Variants in YES1 observed in about 807,000 individuals in gnomAD.
YES1 encodes the protein YES proto-oncogene 1, Src family tyrosine kinase, also known as tyrosine-protein kinase Yes.
Under a neutral mutation model 70.4 loss-of-function variants are expected in YES1, and 39 were observed. The ratio of observed to expected loss-of-function variants is 0.55; its 90% CI spans 0.43 to 0.72. The LOEUF is 0.72. Ranked by LOEUF, YES1 falls within the 30% of genes least tolerant of loss-of-function variation. The pLI, the probability that YES1 is intolerant of heterozygous loss-of-function variation, is 0.00. For synonymous variants in YES1, 198 were observed against 218.6 expected (o/e 0.91, Z 0.83); for missense variants, 495 against 644.8 (o/e 0.77, Z 2.52).
chr18:759,402 G>A (rs1904458898), intron 1 of YES1, among the ~76,000 whole-genome samples: 1 of 152,218 alleles, frequency 6.6e-6, no homozygotes, highest in Admixed American at 6.5e-5. Context: ...AGGAGGCGGA[G>A]GTTGCAGTGA....
At chr18:752,572 C>T (rs1396604962) in intron 2 of YES1, among the ~76,000 whole-genome samples, 3 of 152,114 alleles carry the variant, frequency 2.0e-5, no homozygotes, top group Non-Finnish European at 2.9e-5. Flanking sequence ...TAATCATTAC[C>T]AGTAATAACT....
chr18:768,394 C>G (rs1206651058), intron 1 of YES1, among the ~76,000 whole-genome samples: 1 of 152,146 alleles, frequency 6.6e-6, no homozygotes, highest in Non-Finnish European at 1.5e-5. Context: ...ATACTGACTT[C>G]CGCTTGATCC....
chr18:780,621 A>AAATGGACT (rs1905611572), intron 1 of YES1, among the ~76,000 whole-genome samples: 1 of 152,180 alleles, frequency 6.6e-6, no homozygotes, highest in African/African-American at 2.4e-5. Flanking sequence ...AGTATTCTGA[A>AAATGGACT]AATGGACTAA....
intron 8 of YES1, 50 bp downstream of exon 8, chr18:742,868 C>T: frequency 6.9e-7 from 1 of 1,453,392 alleles, no homozygotes; most frequent in Non-Finnish European, 9.2e-7. Flanking sequence ...CAAATCAAGA[C>T]TCTTAAAAAC....
At chr18:731,661 A>G (rs776968653) in intron 11 of YES1, among the ~76,000 whole-genome samples, 5 of 152,190 alleles carry the variant, frequency 3.3e-5, no homozygotes, top group Non-Finnish European at 5.9e-5. Context: ...TCCCCCTAGA[A>G]ACTATATAAA....
rs776424908 is a variant in YES1, at chr18:736,966, G to C, written c.1138-5C>G. On this transcript the variant is annotated splice_region_variant and splice_polypyrimidine_tract_variant and intron_variant, in intron 9 of 11. Coordinates refer to ENST00000314574, the MANE Select transcript of YES1 (RefSeq NM_005433.4). ...ATATGCCATACCATCAGCAATCTTG[G>C]AAAGAGAAAAACAAAAAACACAAGA... The C allele has an allele frequency of 1.3e-6, 2 of 1,596,298 alleles. No individual in the cohort carries two copies. The highest frequency in any genetic ancestry group is 2.3e-5 in the South Asian group (2 of 88,336).
chr18:751,848 TAACAA>T, intron 2 of YES1, 44 bp from the exon 3 acceptor site: 1 of 1,112,126 alleles, frequency 9.0e-7, no homozygotes, highest in African/African-American at 1.6e-5. Flanking sequence ...GTAGCTAACT[TAACAA>T]AACAGAAAAA....
intron 2 of YES1, among the ~76,000 whole-genome samples, chr18:752,999 A>T (rs554663304): frequency 1.3e-5 from 2 of 152,332 alleles, no homozygotes; most frequent in African/African-American, 4.8e-5. Context: ...GTATAAATTC[A>T]AAAACTGTCA....
At chr18:784,570 A>C (rs1905841635) in intron 1 of YES1, among the ~76,000 whole-genome samples, 1 of 152,216 alleles carries the variant, frequency 6.6e-6, no homozygotes, top group South Asian at 2.1e-4. Flanking sequence ...GACTAAAATC[A>C]AGGTGTCAGC....
chr18:768,177 T>TA lies in YES1; in HGVS notation c.-8-11343dup, dbSNP rs372020371. 2.2e-3 allele frequency among the ~76,000 whole-genome samples: 328 copies of TA among 152,322 alleles called. 1 individual carries two copies. The highest frequency in any genetic ancestry group is 7.4e-3 in the African/African-American group (309 of 41,562). ...CACAACACACTAAGTGTGGCAATGTTAAAAAACCATTTCCAAAAGCAGGCA... is the reference window on the plus strand; with the variant it reads ...CACAACACACTAAGTGTGGCAATGTTAAAAAAACCATTTCCAAAAGCAGGCA... On this transcript the variant is annotated intron_variant, in intron 1 of 11. Transcript: ENST00000314574.
At chr18:751,635 G>T in intron 3 of YES1, 70 bp downstream of exon 3, 2 of 1,035,764 alleles carry the variant, frequency 1.9e-6, no homozygotes, top group Non-Finnish European at 1.5e-6. Context: ...TCATCAACCA[G>T]CTCAGTGGTT....
chr18:727,768 A>G (rs1000113407), intron 11 of YES1, among the ~76,000 whole-genome samples: 8 of 152,090 alleles, frequency 5.3e-5, no homozygotes, highest in Non-Finnish European at 7.3e-5. Context: ...ATACATTATA[A>G]ATTCGGTAAG....
intron 11 of YES1, 95 bp from the exon 12 acceptor site, chr18:724,727 A>G: frequency 1.1e-6 from 1 of 902,554 alleles, no homozygotes; most frequent in South Asian, 1.8e-5. Flanking sequence ...TTCAAAGTAT[A>G]TTATTTAGTG....
At position 740,386 on chromosome 18, in the gene YES1, G is replaced by A. The variant is rs189855220; in HGVS notation, c.1061-575C>T. Among the ~76,000 whole-genome samples the A allele has an allele frequency of 2.8e-4, 43 of 152,276 alleles. No individual in the cohort carries two copies. The East Asian group carries it at 8.3e-3, about 29-fold the overall frequency. On this transcript the variant is annotated intron_variant, in intron 8 of 11. Coordinates refer to ENST00000314574, the MANE Select transcript of YES1 (RefSeq NM_005433.4). The stretch of plus-strand genomic sequence containing the variant: ...AAGGCACATTTAAAACATAAAAGTG[G>A]TCTATTCTCTTCAGAAGTAACAATG...
At position 721,696 on chromosome 18, in the gene YES1, C is replaced by A. The variant is rs973158864; in HGVS notation, c.*2728G>T. On this transcript the variant is annotated 3_prime_UTR_variant, in exon 12 of 12. Transcript: ENST00000314574. ...ATGGAAGAATAAATTCAGAATATAT[C>A]AGTTTTTAAAAAACGAATGAGAATA... 5.9e-5 allele frequency: 9 copies of A among 152,184 alleles called. No homozygotes were observed. The highest frequency in any genetic ancestry group is 4.1e-4 in the South Asian group (2 of 4,822). The allele number at this position is 152,184 out of a possible 1,614,324, so 9.4% of individuals were successfully genotyped here. A position where few individuals can be genotyped will look rare whatever the true frequency, so the allele number is the denominator to read the frequency against.
chr18:746,647 C>A (rs1312123871), intron 4 of YES1, among the ~76,000 whole-genome samples: 1 of 152,118 alleles, frequency 6.6e-6, no homozygotes, highest in Non-Finnish European at 1.5e-5. Flanking sequence ...TAAAAGCAAA[C>A]AAACATTGAT....
chr18:766,018 T>C (rs1307015917), intron 1 of YES1, among the ~76,000 whole-genome samples: 1 of 152,254 alleles, frequency 6.6e-6, no homozygotes, highest in Non-Finnish European at 1.5e-5. Flanking sequence ...TCTACTTCAC[T>C]GATCCTCTAC....
intron 1 of YES1, among the ~76,000 whole-genome samples, chr18:757,355 T>C (rs1366347746): frequency 3.3e-5 from 5 of 151,382 alleles, no homozygotes; most frequent in East Asian, 3.9e-4. Context: ...TGCAAAAAAT[T>C]AGCCGGGCGT....
intron 1 of YES1, among the ~76,000 whole-genome samples, chr18:757,508 A>T (rs1378502753): frequency 1.4e-5 from 2 of 147,920 alleles, no homozygotes; most frequent in Non-Finnish European, 3.0e-5. Context: ...GTCTCAAAAA[A>T]AAAAAAAAAA....
Sources: gnomAD v4.1 joint callset for allele counts (sites outside exome capture counted in the v4.1 genomes callset) on GRCh38, gnomAD v4.1.1 for gene constraint, MANE v1.5 for transcripts, NCBI Gene and HGNC (gene_info 2026-07-23, HGNC 2026-07-21) for gene names.